Variants in B4GALT7 observed in about 807,000 individuals in gnomAD.
B4GALT7 encodes beta-1,4-galactosyltransferase 7.
Under a neutral mutation model 33.0 loss-of-function variants are expected in B4GALT7, and 30 were observed. That is an observed-to-expected ratio of 0.91 (90% CI 0.68 to 1.23). B4GALT7 has a LOEUF of 1.23. Among genes scored for constraint, B4GALT7 ranks in the 50% most tolerant of loss-of-function variants. B4GALT7 has a pLI of 0.00. For missense variants in B4GALT7, 507 were observed against 450.8 expected, an observed-to-expected ratio of 1.12 and a Z score of -1.13; for synonymous variants, 213 against 187.2, an observed-to-expected ratio of 1.14 and a Z score of -1.13.
Position 177,608,732 on chromosome 5 carries a change from T to TCCCTGCCCTAA in B4GALT7, c.723+120_723+130dup, listed in dbSNP as rs1024301942. 8.3e-7 allele frequency: 1 copy of TCCCTGCCCTAA among 1,201,876 alleles called. No homozygotes were observed. Among genetic ancestry groups the TCCCTGCCCTAA allele is most frequent in the Non-Finnish European group, 1.2e-6 (1 of 827,904 alleles). 74.5% of individuals were successfully genotyped at this position (1,201,876 alleles called of 1,614,324 possible). On this transcript the variant is annotated intron_variant, in intron 4 of 5. Transcript: ENST00000029410. The surrounding 1 kb of genome is among the most constrained non-coding windows in gnomAD (Gnocchi z 4.1). Reference sequence around the variant, plus strand: ...GGTCTGGAGATGGCCCTGATTCTGATCCCTGCCCTAACCCTGCCCTGCATG... The same window carrying TCCCTGCCCTAA: ...GGTCTGGAGATGGCCCTGATTCTGATCCCTGCCCTAACCCTGCCCTAACCCTGCCCTGCATG...
rs778346267 is a variant in B4GALT7 at position 177,607,407 on chromosome 5, G to A, written c.519G>A (p.Leu173=). Residue 173 remains leucine (L), a synonymous_variant, in exon 3 of 6, where the codon CTG becomes CTA. Coordinates refer to ENST00000029410, the MANE Select transcript of B4GALT7 (RefSeq NM_007255.3). ...DVDLLPLNEE[L]DYGFPEAGPF... ...ACCTGCTCCCTCTCAACGAGGAGCTGGACTATGGCTTTCCTGAGGCTGGGC... is the reference window on the plus strand; with the variant it reads ...ACCTGCTCCCTCTCAACGAGGAGCTAGACTATGGCTTTCCTGAGGCTGGGC... 15 of 1,614,132 alleles carry A rather than the reference G, an allele frequency of 9.3e-6. No homozygotes were observed. The highest frequency in any genetic ancestry group is 7.7e-5 in the South Asian group (7 of 91,090).
intron 5 of B4GALT7, 147 bp downstream of exon 5, chr5:177,609,161 C>A: frequency 1.3e-6 from 1 of 781,178 alleles, no homozygotes; most frequent in South Asian, 1.6e-5. Context: ...TGCTTGGGCA[C>A]CGTGCCCTGC....
At chr5:177,604,676 C>G (rs1767936938) in intron 2 of B4GALT7, 135 bp downstream of exon 2, 6 of 1,186,824 alleles carry the variant, frequency 5.1e-6, no homozygotes, top group Non-Finnish European at 7.2e-6. Context: ...GTGACAGGAA[C>G]CTTTGGAGAG....
chr5:177,607,119 T>C (rs760492998), intron 2 of B4GALT7, 183 bp from the exon 3 acceptor site: 67 of 667,416 alleles, frequency 1.0e-4, no homozygotes, highest in Non-Finnish European at 1.8e-4. Flanking sequence ...CTTTGAATGG[T>C]TTCTGGCACA....
rs1408541499 is a variant in B4GALT7 at position 177,606,047 on chromosome 5, T to C, written c.414-1255T>C. 3 of 152,232 alleles carry C rather than the reference T, an allele frequency of 2.0e-5. No individual in the cohort carries two copies. The East Asian group carries it at 5.8e-4, about 29-fold the overall frequency. The allele number at this position is 152,232 out of a possible 1,614,324, so 9.4% of individuals were successfully genotyped here. On this transcript the variant is annotated intron_variant, in intron 2 of 5. Transcript: ENST00000029410. The surrounding 1 kb of genome is among the most constrained non-coding windows in gnomAD (Gnocchi z 4.2). ...CCTCTGCACTGGCTGGGCCTCTGTG[T>C]CTGTGGGTTCTGCTCATCTCCCCGA...
chr5:177,600,308 C>T lies in B4GALT7; in HGVS notation c.50+48C>T. ...GGCCCCGTCCTCCCGGGCGCCGCTC[C>T]CTTCTCGGCCGCCGGCGGAATCTGG... On this transcript the variant is annotated intron_variant, in intron 1 of 5. Coordinates refer to ENST00000029410, the MANE Select transcript of B4GALT7 (RefSeq NM_007255.3). The surrounding 1 kb of genome is among the most constrained non-coding windows in gnomAD (Gnocchi z 4.4). 7.8e-7 allele frequency: 1 copy of T among 1,281,938 alleles called. No homozygotes were observed. Among genetic ancestry groups the T allele is most frequent in the Non-Finnish European group, 9.9e-7 (1 of 1,008,266 alleles). 79.4% of individuals were successfully genotyped at this position (1,281,938 alleles called of 1,614,324 possible). A position where few individuals can be genotyped will look rare whatever the true frequency, so the allele number is the denominator to read the frequency against.
Position 177,604,387 on chromosome 5 carries a change from G to C in B4GALT7, c.259G>C (p.Asp87His). The C allele has an allele frequency of 6.2e-7, 1 of 1,613,610 alleles. No individual in the cohort carries two copies. Among genetic ancestry groups the C allele is most frequent in the Non-Finnish European group, 8.5e-7 (1 of 1,179,774 alleles). Residue 87 changes from aspartate (D) to histidine (H), a missense_variant, in exon 2 of 6, where the codon GAC (aspartate) becomes CAC (histidine). By Grantham distance (81) the Asp-to-His change is moderately conservative (BLOSUM62 -1). Coordinates refer to ENST00000029410, the MANE Select transcript of B4GALT7 (RefSeq NM_007255.3). ...GCCGCCCCCTGAGCACTGGGAAGAA[G>C]ACGCATCCTGGGGCCCCCACCGCCT... ...PEPPPEHWEEDASWGPHRLAV... is the reference protein window; with the variant it reads ...PEPPPEHWEEHASWGPHRLAV...
Position 177,600,162 on chromosome 5 carries a change from C to G in B4GALT7, c.-49C>G. 8.2e-7 allele frequency: 1 copy of G among 1,226,310 alleles called. No homozygotes were observed. Among genetic ancestry groups the G allele is most frequent in the Non-Finnish European group, 1.0e-6 (1 of 982,668 alleles). The allele number at this position is 1,226,310 out of a possible 1,614,324, so 76.0% of individuals were successfully genotyped here. A position where few individuals can be genotyped will look rare whatever the true frequency, so the allele number is the denominator to read the frequency against. ...CGCCGCGTAGGCCCGGGAGGCCGGGCCGGCCGGGCTGCGAGCGCCTGCCCC... is the reference window on the plus strand; with the variant it reads ...CGCCGCGTAGGCCCGGGAGGCCGGGGCGGCCGGGCTGCGAGCGCCTGCCCC... On this transcript the variant is annotated 5_prime_UTR_variant, in exon 1 of 6. Coordinates refer to ENST00000029410, the MANE Select transcript of B4GALT7 (RefSeq NM_007255.3). This position sits in a 1 kb window ranked among gnomAD's most constrained non-coding sequence, Gnocchi z 4.4.
At chr5:177,602,193 G>GGT (rs780952843) in intron 1 of B4GALT7, among the ~76,000 whole-genome samples, 1 of 152,116 alleles carries the variant, frequency 6.6e-6, no homozygotes, top group East Asian at 1.9e-4. Context: ...GATAATGGGG[G>GGT]GTAAGTCAGA....
Position 177,608,389 on chromosome 5 carries a change from G to C in B4GALT7, c.640-150G>C. ...GAGGGCCCGGGACGCGCTGCTTCCTGCCGCCCGCACTGCAGAAGTGCAGGA... is the reference window on the plus strand; with the variant it reads ...GAGGGCCCGGGACGCGCTGCTTCCTCCCGCCCGCACTGCAGAAGTGCAGGA... On this transcript the variant is annotated intron_variant, in intron 3 of 5. Transcript: ENST00000029410. This position sits in a 1 kb window ranked among gnomAD's most constrained non-coding sequence, Gnocchi z 4.1. 3.0e-6 allele frequency: 2 copies of C among 671,964 alleles called. No homozygotes were observed. Among genetic ancestry groups the C allele is most frequent in the Non-Finnish European group, 5.2e-6 (2 of 382,642 alleles). The allele number at this position is 671,964 out of a possible 1,614,324, so 41.6% of individuals were successfully genotyped here. A position where few individuals can be genotyped will look rare whatever the true frequency, so the allele number is the denominator to read the frequency against.
chr5:177,607,678 G>C lies in B4GALT7; in HGVS notation c.639+151G>C, dbSNP rs1297695132. On this transcript the variant is annotated intron_variant, in intron 3 of 5. Coordinates refer to ENST00000029410, the MANE Select transcript of B4GALT7 (RefSeq NM_007255.3). ...CTTGGGAGCAGCCAGAGTGCGAAGAGCAGGCGAGCCAGTCAGCCGCAGCAG... is the reference window on the plus strand; with the variant it reads ...CTTGGGAGCAGCCAGAGTGCGAAGACCAGGCGAGCCAGTCAGCCGCAGCAG... 14 of 752,188 alleles carry C rather than the reference G, an allele frequency of 1.9e-5. No individual in the cohort carries two copies. In the East Asian group the frequency reaches 3.8e-4, roughly 20 times the overall value. The allele number at this position is 752,188 out of a possible 1,614,324, so 46.6% of individuals were successfully genotyped here. A position where few individuals can be genotyped will look rare whatever the true frequency, so the allele number is the denominator to read the frequency against.
At chr5:177,603,187 T>C in intron 1 of B4GALT7, 5 of 985,278 alleles carry the variant, frequency 5.1e-6, no homozygotes, top group Non-Finnish European at 6.0e-6. Context: ...GGCCAGGAGA[T>C]AGAATTTATA....
intron 1 of B4GALT7, among the ~76,000 whole-genome samples, chr5:177,602,581 C>T (rs578096066): frequency 2.1e-4 from 32 of 152,112 alleles, no homozygotes; most frequent in African/African-American, 6.8e-4. Context: ...CAACAGGGGT[C>T]CTCAGGCAGA....
intron 1 of B4GALT7, among the ~76,000 whole-genome samples, chr5:177,603,636 C>A (rs1371830931): frequency 6.6e-6 from 1 of 152,152 alleles, no homozygotes; most frequent in African/African-American, 2.4e-5. Flanking sequence ...AAACATTGGT[C>A]ATTTTACCTG....
chr5:177,607,071 A>G, intron 2 of B4GALT7: 1 of 603,166 alleles, frequency 1.7e-6, no homozygotes, highest in Non-Finnish European at 3.0e-6. Flanking sequence ...CAGTTCCTTG[A>G]GAACAGGGCC....
At chr5:177,603,695 T>C (rs980460020) in intron 1 of B4GALT7, among the ~76,000 whole-genome samples, 8 of 152,164 alleles carry the variant, frequency 5.3e-5, no homozygotes, top group African/African-American at 1.9e-4. Flanking sequence ...CTGGTCATTC[T>C]TGGAAGCAGG....
intron 1 of B4GALT7, among the ~76,000 whole-genome samples, chr5:177,602,628 G>A (rs780705354): frequency 6.6e-6 from 1 of 152,124 alleles, no homozygotes; most frequent in Non-Finnish European, 1.5e-5. Flanking sequence ...AGCAGGCTGT[G>A]TGAGGGCTGG....
chr5:177,608,372 G>A lies in B4GALT7; in HGVS notation c.640-167G>A, dbSNP rs545083920. The A allele has an allele frequency of 1.9e-4, 120 of 627,080 alleles. No homozygotes were observed. The highest frequency in any genetic ancestry group is 1.4e-3 in the Admixed American group (55 of 38,852). The allele number at this position is 627,080 out of a possible 1,614,324, so 38.8% of individuals were successfully genotyped here. A position where few individuals can be genotyped will look rare whatever the true frequency, so the allele number is the denominator to read the frequency against. On this transcript the variant is annotated intron_variant, in intron 3 of 5. Coordinates refer to ENST00000029410, the MANE Select transcript of B4GALT7 (RefSeq NM_007255.3). The surrounding 1 kb of genome is among the most constrained non-coding windows in gnomAD (Gnocchi z 4.1). Reference sequence around the variant, plus strand: ...GCCCCGTGAGAACGGGAGAGGGCCCGGGACGCGCTGCTTCCTGCCGCCCGC... The same window carrying A: ...GCCCCGTGAGAACGGGAGAGGGCCCAGGACGCGCTGCTTCCTGCCGCCCGC...
At chr5:177,601,094 A>G (rs1767832045) in intron 1 of B4GALT7, among the ~76,000 whole-genome samples, 1 of 152,094 alleles carries the variant, frequency 6.6e-6, no homozygotes, top group Non-Finnish European at 1.5e-5. Flanking sequence ...CATTTCCTTC[A>G]TGTTTCTTAA....
Sources: gnomAD v4.1 joint callset for allele counts (sites outside exome capture counted in the v4.1 genomes callset) on GRCh38, gnomAD v4.1.1 for gene constraint, Gnocchi (gnomAD v3.1) non-coding constraint, MANE v1.5 for transcripts, NCBI Gene and HGNC (gene_info 2026-07-23, HGNC 2026-07-21) for gene names.